The following ZNF804B variants were observed in gnomAD, a reference collection of about 807,000 sequenced individuals.
The protein encoded by ZNF804B is zinc finger 804B.
A neutral mutation model predicts 101.4 loss-of-function variants in ZNF804B; 80 were observed. The ratio of observed to expected loss-of-function variants is 0.79; its 90% confidence interval spans 0.66 to 0.95. The LOEUF (loss-of-function observed/expected upper bound fraction) is 0.95. ZNF804B is among the 40% of genes least tolerant of loss of function. The probability of loss-of-function intolerance (pLI) is 0.00; values close to 1 mark genes in which losing one functional copy is unlikely to be tolerated. For synonymous variants in ZNF804B, 622 were observed against 558.8 expected, an observed-to-expected ratio of 1.11 and a Z score of -1.59; for missense variants, 1,673 against 1,561.9, an observed-to-expected ratio of 1.07 and a Z score of -1.20.
At chr7:88,879,373 C>T (rs1310443652) in intron 1 of ZNF804B, among the ~76,000 whole-genome samples, 2 of 152,024 alleles carry the variant, frequency 1.3e-5, no homozygotes, top group Non-Finnish European at 2.9e-5. Flanking sequence ...GCATATAGTA[C>T]ATAAACATTT....
chr7:88,863,853 T>A (rs1791686616), intron 1 of ZNF804B, among the ~76,000 whole-genome samples: 1 of 152,216 alleles, frequency 6.6e-6, no homozygotes, highest in African/African-American at 2.4e-5. Context: ...AAGACCAGTG[T>A]GGCAGATTTA....
At chr7:89,253,807 A>G (rs1372447861) in intron 2 of ZNF804B, among the ~76,000 whole-genome samples, 1 of 152,158 alleles carries the variant, frequency 6.6e-6, no homozygotes, top group Non-Finnish European at 1.5e-5. Flanking sequence ...CATCAATTTA[A>G]AAAATAAAAA....
At chr7:89,069,174 C>G (rs1180633188) in intron 1 of ZNF804B, among the ~76,000 whole-genome samples, 1 of 152,182 alleles carries the variant, frequency 6.6e-6, no homozygotes, top group Non-Finnish European at 1.5e-5. Context: ...AAGAAGAAAA[C>G]TTGTAAGGCC....
At chr7:89,053,148 GT>G (rs935934909) in intron 1 of ZNF804B, among the ~76,000 whole-genome samples, 2 of 152,046 alleles carry the variant, frequency 1.3e-5, no homozygotes, top group African/African-American at 4.8e-5. Context: ...TGTAAAAGAC[GT>G]TCTGGTTGTG....
rs374532675 is a variant in ZNF804B at position 89,231,508 on chromosome 7, A to G, written c.249+13213A>G. Among the ~76,000 whole-genome samples, 71 of 152,148 alleles carry G rather than the reference A, an allele frequency of 4.7e-4. 1 individual carries two copies. In the East Asian group the frequency reaches 9.1e-3, roughly 19 times the overall value. On this transcript the variant is annotated intron_variant, in intron 2 of 3. Transcript: ENST00000333190. ...GCAAACCTATTTGGATTTTGATAGG[A>G]ATTGCACTAAATTTAGATTAATTTG... is the stretch of plus-strand genomic sequence containing the variant.
intron 1 of ZNF804B, among the ~76,000 whole-genome samples, chr7:88,847,623 A>G (rs867719048): frequency 6.6e-6 from 1 of 152,152 alleles, no homozygotes; most frequent in African/African-American, 2.4e-5. Context: ...TGGGGCTCAT[A>G]TTATCTTCAC....
intron 1 of ZNF804B, among the ~76,000 whole-genome samples, chr7:89,159,089 G>C (rs969162513): frequency 3.3e-5 from 5 of 152,212 alleles, no homozygotes; most frequent in African/African-American, 1.2e-4. Flanking sequence ...CTAGTACCTT[G>C]AGAGGAGTGA....
intron 2 of ZNF804B, among the ~76,000 whole-genome samples, chr7:89,231,012 G>C (rs1007110704): frequency 6.6e-6 from 1 of 151,932 alleles, no homozygotes; most frequent in African/African-American, 2.4e-5. Context: ...GAGATACAAG[G>C]TGTATAAATA....
intron 1 of ZNF804B, among the ~76,000 whole-genome samples, chr7:89,195,539 C>G (rs1180618046): frequency 1.3e-5 from 2 of 150,512 alleles, no homozygotes; most frequent in Admixed American, 6.7e-5. Flanking sequence ...TTCTTATACA[C>G]CAATAACAGA....
intron 1 of ZNF804B, among the ~76,000 whole-genome samples, chr7:89,024,881 C>G (rs925199457): frequency 6.6e-6 from 1 of 151,584 alleles, no homozygotes; most frequent in African/African-American, 2.4e-5. Context: ...TCACAATTAT[C>G]CCAGAATATA....
chr7:89,284,004 G>C (rs1298816646), intron 2 of ZNF804B, among the ~76,000 whole-genome samples: 1 of 151,986 alleles, frequency 6.6e-6, no homozygotes, highest in Non-Finnish European at 1.5e-5. Context: ...ATCATTTACT[G>C]CCATAAAATA....
intron 1 of ZNF804B, among the ~76,000 whole-genome samples, chr7:89,012,820 C>T (rs1788485013): frequency 6.6e-6 from 1 of 152,116 alleles, no homozygotes; most frequent in Non-Finnish European, 1.5e-5. Flanking sequence ...CCCACTACTC[C>T]CAGTACCAAT....
At chr7:89,127,160 CAT>C (rs1444246336) in intron 1 of ZNF804B, among the ~76,000 whole-genome samples, 2 of 151,796 alleles carry the variant, frequency 1.3e-5, no homozygotes, top group Non-Finnish European at 2.9e-5. Context: ...TCCTTTAAAA[CAT>C]AATTCATTTT....
intron 3 of ZNF804B, among the ~76,000 whole-genome samples, chr7:89,327,767 T>A (rs570494008): frequency 6.6e-6 from 1 of 152,034 alleles, no homozygotes; most frequent in African/African-American, 2.4e-5. Flanking sequence ...TCTTAATATA[T>A]TTTTTAAATT....
At chr7:88,820,805 A>G (rs1436351522) in intron 1 of ZNF804B, among the ~76,000 whole-genome samples, 1 of 152,138 alleles carries the variant, frequency 6.6e-6, no homozygotes, top group Non-Finnish European at 1.5e-5. Context: ...GCTGGCAGTG[A>G]CGGTGACAAT....
chr7:88,962,383 A>C (rs1793398239), intron 1 of ZNF804B, among the ~76,000 whole-genome samples: 1 of 151,138 alleles, frequency 6.6e-6, no homozygotes, highest in Admixed American at 6.6e-5. Context: ...ATTGCTATTC[A>C]GGTTTCTGAA....
chr7:89,317,539 T>A (rs1790751121), intron 2 of ZNF804B, among the ~76,000 whole-genome samples: 1 of 152,196 alleles, frequency 6.6e-6, no homozygotes, highest in Non-Finnish European at 1.5e-5. Flanking sequence ...AGGAGGAATA[T>A]TCTAAGACAA....
intron 1 of ZNF804B, among the ~76,000 whole-genome samples, chr7:88,939,569 A>G (rs1793026825): frequency 6.6e-6 from 1 of 152,000 alleles, no homozygotes; most frequent in Non-Finnish European, 1.5e-5. Context: ...TGAATCTATC[A>G]TGTCATTCCA....
At chr7:88,901,764 T>C (rs1562827215) in intron 1 of ZNF804B, among the ~76,000 whole-genome samples, 1 of 151,888 alleles carries the variant, frequency 6.6e-6, no homozygotes, top group Non-Finnish European at 1.5e-5. Context: ...CGATACATAG[T>C]TAAGCTGAAA....
Sources: gnomAD v4.1 joint callset for allele counts (sites outside exome capture counted in the v4.1 genomes callset) on GRCh38, gnomAD v4.1.1 for gene constraint, MANE v1.5 for transcripts, NCBI Gene and HGNC (gene_info 2026-07-23, HGNC 2026-07-21) for gene names.